Variants in SCHIP1 observed in about 807,000 individuals in gnomAD.
The protein encoded by SCHIP1 is schwannomin interacting protein 1, also known as schwannomin-interacting protein 1.
SCHIP1 carries 8 observed loss-of-function variants against 29.7 expected under a neutral mutation model. The ratio of observed to expected loss-of-function variants is 0.27; its 90% confidence interval spans 0.16 to 0.49. The LOEUF is 0.49. SCHIP1 is among the 20% of genes least tolerant of loss of function. The pLI, the probability that SCHIP1 is intolerant of heterozygous loss-of-function variation, is 0.99. For synonymous variants in SCHIP1, 76 were observed against 94.9 expected (o/e 0.80, Z 1.16); for missense variants, 193 against 294.6 (o/e 0.66, Z 2.52).
the SCHIP1 span, among the ~76,000 whole-genome samples, chr3:159,399,372 T>G: frequency 3.9e-5 from 6 of 152,188 alleles, no homozygotes; most frequent in African/African-American, 1.2e-4. Context: ...TATTGCTTAT[T>G]ATGTCTCTCC....
the SCHIP1 span, chr3:159,764,438 C>A: frequency 3.2e-6 from 5 of 1,583,246 alleles, no homozygotes; most frequent in Admixed American, 1.8e-5. This position sits in a 1 kb window ranked among gnomAD's most constrained non-coding sequence, Gnocchi z 6.1. Flanking sequence ...ACCTCCTCCC[C>A]CTAGGATTAC....
At chr3:159,496,677 C>G in the SCHIP1 span, among the ~76,000 whole-genome samples, 1 of 152,136 alleles carries the variant, frequency 6.6e-6, no homozygotes, top group African/African-American at 2.4e-5. Context: ...CTAATTCAAC[C>G]ATTGTGGAAG....
chr3:159,679,202 A>G, the SCHIP1 span, among the ~76,000 whole-genome samples: 1 of 152,190 alleles, frequency 6.6e-6, no homozygotes, highest in African/African-American at 2.4e-5. Flanking sequence ...ATTACTTTAA[A>G]ATTTAGAGAG....
chr3:159,743,554 G>A, the SCHIP1 span, among the ~76,000 whole-genome samples: 3 of 152,124 alleles, frequency 2.0e-5, no homozygotes, highest in Admixed American at 2.0e-4. Context: ...ACAGATTAAT[G>A]GTTACTTGAG....
the SCHIP1 span, among the ~76,000 whole-genome samples, chr3:159,346,746 G>T: frequency 6.6e-6 from 1 of 152,048 alleles, no homozygotes; most frequent in Non-Finnish European, 1.5e-5. Flanking sequence ...GGCATTTGTG[G>T]GTGTGTCTTA....
the SCHIP1 span, among the ~76,000 whole-genome samples, chr3:159,413,491 A>G: frequency 6.6e-6 from 1 of 152,232 alleles, no homozygotes; most frequent in Non-Finnish European, 1.5e-5. Context: ...TCATTCAACA[A>G]ATATTTCTTG....
the SCHIP1 span, chr3:159,401,504 T>G: frequency 1.2e-5 from 3 of 241,804 alleles, no homozygotes; most frequent in Non-Finnish European, 2.0e-5. Context: ...CCCTGTGTGA[T>G]AGGTACTATT....
the SCHIP1 span, among the ~76,000 whole-genome samples, chr3:159,418,812 A>AC: frequency 7.8e-5 from 1 of 12,854 alleles, no homozygotes; most frequent in Non-Finnish European, 1.5e-4. Flanking sequence ...CAGATGGCAG[A>AC]ATCAGTAACC....
the SCHIP1 span, among the ~76,000 whole-genome samples, chr3:159,508,376 G>T: frequency 1.3e-5 from 2 of 151,902 alleles, 1 homozygote; most frequent in Admixed American, 1.3e-4. Flanking sequence ...TATTTGTCTT[G>T]CTAGTGGTCT....
the SCHIP1 span, among the ~76,000 whole-genome samples, chr3:159,812,128 G>C: frequency 6.6e-6 from 1 of 151,724 alleles, no homozygotes; most frequent in Non-Finnish European, 1.5e-5. Context: ...GTGCTACCAT[G>C]CCTGGCTAAT....
chr3:159,627,206 G>A, the SCHIP1 span, among the ~76,000 whole-genome samples: 5 of 152,078 alleles, frequency 3.3e-5, no homozygotes, highest in Non-Finnish European at 5.9e-5. Flanking sequence ...AAAGACTGTG[G>A]CATTTTTGTA....
At chr3:159,667,127 G>C in the SCHIP1 span, among the ~76,000 whole-genome samples, 1 of 152,160 alleles carries the variant, frequency 6.6e-6, no homozygotes, top group African/African-American at 2.4e-5. Flanking sequence ...GGATAGTAGA[G>C]GGGGAGTGAG....
chr3:159,496,206 T>A, the SCHIP1 span, among the ~76,000 whole-genome samples: 1 of 152,238 alleles, frequency 6.6e-6, no homozygotes, highest in Non-Finnish European at 1.5e-5. Context: ...AAGGACTTCA[T>A]GTCTAAAACA....
At chr3:159,456,776 C>A in the SCHIP1 span, among the ~76,000 whole-genome samples, 1 of 152,134 alleles carries the variant, frequency 6.6e-6, no homozygotes, top group Non-Finnish European at 1.5e-5. Flanking sequence ...CCTGACCTGA[C>A]TTTAGAAGTA....
the SCHIP1 span, among the ~76,000 whole-genome samples, chr3:159,417,229 G>A: frequency 1.3e-5 from 2 of 152,160 alleles, no homozygotes; most frequent in East Asian, 3.9e-4. Flanking sequence ...TTCCTCCCAA[G>A]CTGGGGTCCA....
the SCHIP1 span, among the ~76,000 whole-genome samples, chr3:159,742,692 G>C: frequency 6.6e-6 from 1 of 150,732 alleles, no homozygotes; most frequent in Non-Finnish European, 1.5e-5. Flanking sequence ...TTTTGAGACA[G>C]AGTCTCGCTC....
At chr3:159,443,905 G>A in the SCHIP1 span, among the ~76,000 whole-genome samples, 18 of 152,238 alleles carry the variant, frequency 1.2e-4, no homozygotes, top group East Asian at 3.1e-3. Flanking sequence ...GCCAGTTTCT[G>A]TATCTATGAA....
At chr3:159,416,315 C>T in the SCHIP1 span, among the ~76,000 whole-genome samples, 1 of 152,166 alleles carries the variant, frequency 6.6e-6, no homozygotes, top group Admixed American at 6.6e-5. Flanking sequence ...CCATTACCAT[C>T]TACCTTACTA....
the SCHIP1 span, among the ~76,000 whole-genome samples, chr3:159,508,338 C>G: frequency 6.6e-6 from 1 of 152,028 alleles, no homozygotes; most frequent in Non-Finnish European, 1.5e-5. Flanking sequence ...TTTATTGTGT[C>G]TATTTGATTC....
Sources: gnomAD v4.1 joint callset for allele counts (sites outside exome capture counted in the v4.1 genomes callset) on GRCh38, gnomAD v4.1.1 for gene constraint, Gnocchi (gnomAD v3.1) non-coding constraint, MANE v1.5 for transcripts, NCBI Gene and HGNC (gene_info 2026-07-23, HGNC 2026-07-21) for gene names.